CASK: variants seen among roughly 807,000 people sequenced by gnomAD.
CASK encodes peripheral plasma membrane protein CASK.
CASK carries 4 observed loss-of-function variants against 82.9 expected under a neutral mutation model. The ratio of observed to expected loss-of-function variants is 0.05; its 90% CI spans 0.02 to 0.11. The LOEUF (loss-of-function observed/expected upper bound fraction) is 0.11. Among genes scored for constraint, CASK ranks in the 10% least tolerant of loss-of-function variants. The pLI is 1.00. For missense variants in CASK, 358 were observed against 720.9 expected, an observed-to-expected ratio of 0.50 and a Z score of 5.76; for synonymous variants, 259 against 253.5, an observed-to-expected ratio of 1.02 and a Z score of -0.20.
At chrX:41,629,830 T>C in intron 9 of CASK, among the ~76,000 whole-genome samples, 1 of 112,163 alleles carries the variant, frequency 8.9e-6, no homozygotes, top group East Asian at 2.8e-4. Context: ...TTGCTAATAA[T>C]GTAATATTGC....
At chrX:41,865,603 G>C (rs1301730623) in intron 1 of CASK, among the ~76,000 whole-genome samples, 1 of 111,410 alleles carries the variant, frequency 9.0e-6, no homozygotes, top group Non-Finnish European at 1.9e-5. Flanking sequence ...TGTGGTGCTT[G>C]CTATGACAAG....
At chrX:41,798,167 G>A (rs2069903100) in intron 2 of CASK, among the ~76,000 whole-genome samples, 1 of 111,497 alleles carries the variant, frequency 9.0e-6, no homozygotes, top group Admixed American at 9.5e-5. Flanking sequence ...AATTATTCAG[G>A]GGTAATTTTA....
At chrX:41,591,700 T>G (rs979240975) in intron 12 of CASK, among the ~76,000 whole-genome samples, 2 of 110,293 alleles carry the variant, frequency 1.8e-5, no homozygotes, top group Admixed American at 9.7e-5. Flanking sequence ...TGGTCTCTAA[T>G]TCCTAACCTT....
At chrX:41,699,613 A>G (rs886847024) in intron 5 of CASK, among the ~76,000 whole-genome samples, 1 of 111,110 alleles carries the variant, frequency 9.0e-6, no homozygotes, top group Non-Finnish European at 1.9e-5. Flanking sequence ...AAATACACTC[A>G]TAGTTCTAGA....
Position 41,863,583 on chromosome X carries a change from G to C in CASK, c.60-10356C>G, listed in dbSNP as rs1191585810. On this transcript the variant is annotated intron_variant, in intron 1 of 26. Transcript: ENST00000378163. The stretch of plus-strand genomic sequence containing the variant: ...AACACTCCTCTTAAGGCTGGTGCAA[G>C]AAAACCATAACTTTCATTTTTATGT... 7.1e-5 allele frequency among the ~76,000 whole-genome samples: 8 copies of C among 112,492 alleles called. No individual in the cohort carries two copies. In the East Asian group the frequency reaches 2.2e-3, roughly 31 times the overall value.
intron 5 of CASK, among the ~76,000 whole-genome samples, chrX:41,712,012 G>C (rs1441960530): frequency 8.9e-6 from 1 of 112,966 alleles, no homozygotes; most frequent in African/African-American, 3.2e-5. Context: ...CACAGGTGGG[G>C]TGAGTGGGCC....
intron 5 of CASK, among the ~76,000 whole-genome samples, chrX:41,718,155 T>C (rs2147650928): frequency 8.8e-6 from 1 of 113,319 alleles, no homozygotes; most frequent in East Asian, 2.8e-4. Flanking sequence ...AGCTTCTGGA[T>C]AGCTGTACAT....
At chrX:41,913,825 A>G (rs1242673063) in intron 1 of CASK, among the ~76,000 whole-genome samples, 4 of 112,280 alleles carry the variant, frequency 3.6e-5, no homozygotes, top group African/African-American at 1.3e-4. Context: ...TTTATAAATA[A>G]GGAGAAAATA....
intron 14 of CASK, 40 bp from the exon 15 acceptor site, chrX:41,578,568 T>C: frequency 2.1e-6 from 2 of 931,376 alleles, no homozygotes; most frequent in Non-Finnish European, 3.1e-6. Flanking sequence ...ATAACATTAC[T>C]ATTTCAGCAG....
intron 9 of CASK, among the ~76,000 whole-genome samples, chrX:41,634,000 G>A (rs538829818): frequency 1.8e-5 from 2 of 111,777 alleles, no homozygotes; most frequent in Admixed American, 1.9e-4. Flanking sequence ...GAGCTCAAGC[G>A]ATTTGCCCGC....
chrX:41,673,830 T>C (rs917176648), intron 5 of CASK, among the ~76,000 whole-genome samples: 6 of 73,915 alleles, frequency 8.1e-5, no homozygotes, highest in African/African-American at 3.5e-4. Context: ...ACTCTGGGTG[T>C]TTTTTTTTTT....
chrX:41,830,687 G>A (rs1344863195), intron 2 of CASK, among the ~76,000 whole-genome samples: 1 of 107,930 alleles, frequency 9.3e-6, no homozygotes, highest in Non-Finnish European at 1.9e-5. Context: ...GGGCGTGGTG[G>A]CGGGTGCCTG....
chrX:41,746,580 G>A (rs1001156105), intron 3 of CASK, among the ~76,000 whole-genome samples: 1 of 110,226 alleles, frequency 9.1e-6, no homozygotes, highest in African/African-American at 3.3e-5. Context: ...ATGAAACTAT[G>A]CAAATATTAA....
intron 2 of CASK, among the ~76,000 whole-genome samples, chrX:41,796,534 C>T (rs368027811): frequency 1.0e-3 from 116 of 111,794 alleles, no homozygotes; most frequent in African/African-American, 3.7e-3. Flanking sequence ...TTTGGGAAAT[C>T]ACATATTTCG....
intron 7 of CASK, among the ~76,000 whole-genome samples, chrX:41,662,896 G>A (rs1602428179): frequency 9.4e-6 from 1 of 106,073 alleles, no homozygotes; most frequent in East Asian, 3.0e-4. Context: ...GAAGTGCAGT[G>A]GTGTGATCAT....
chrX:41,895,271 A>G (rs951140725), intron 1 of CASK, among the ~76,000 whole-genome samples: 3 of 112,230 alleles, frequency 2.7e-5, no homozygotes, highest in Admixed American at 1.9e-4. Context: ...AATCGAGGAA[A>G]GAGGAGAGCT....
At chrX:41,794,728 C>T (rs1030818362) in intron 2 of CASK, among the ~76,000 whole-genome samples, 1 of 112,172 alleles carries the variant, frequency 8.9e-6, no homozygotes, top group Non-Finnish European at 1.9e-5. Context: ...TGTGCATACA[C>T]GTTCTTCAAT....
Position 41,773,154 on chromosome X carries a change from C to T in CASK, c.278+14024G>A, listed in dbSNP as rs542318990. 1.5e-4 allele frequency among the ~76,000 whole-genome samples: 16 copies of T among 110,119 alleles called. No individual in the cohort carries two copies. In the South Asian group the frequency reaches 3.5e-3, roughly 24 times the overall value. On this transcript the variant is annotated intron_variant, in intron 3 of 26. Coordinates refer to ENST00000378163, the MANE Select transcript of CASK (RefSeq NM_001367721.1). ...AATCCCAACACTCTGGGAGGCTGGG[C>T]GGACAGATCACCTGAGCCCAGGAGT...
At chrX:41,573,645 CTA>C (rs1370374780) in intron 15 of CASK, among the ~76,000 whole-genome samples, 1 of 111,796 alleles carries the variant, frequency 8.9e-6, no homozygotes, top group African/African-American at 3.3e-5. Flanking sequence ...TCTGTCAGTT[CTA>C]TGTCATTTTT....
Sources: gnomAD v4.1 joint callset for allele counts (sites outside exome capture counted in the v4.1 genomes callset) on GRCh38, gnomAD v4.1.1 for gene constraint, MANE v1.5 for transcripts, NCBI Gene and HGNC (gene_info 2026-07-23, HGNC 2026-07-21) for gene names.